Variants in PVT1 observed in about 807,000 individuals in gnomAD.
The protein encoded by PVT1 is Pvt1 oncogene.
At chr8:127,942,210 G>A (rs1379236280) in intron 3 of PVT1, among the ~76,000 whole-genome samples, 1 of 152,202 alleles carries the variant, frequency 6.6e-6, no homozygotes, top group Non-Finnish European at 1.5e-5. Flanking sequence ...CTGTGTGAAT[G>A]TGGAAGGGAT....
At chr8:127,939,776 C>T (rs1203625066) in intron 3 of PVT1, 2 of 152,236 alleles carry the variant, frequency 1.3e-5, no homozygotes, top group African/African-American at 4.8e-5. Flanking sequence ...TTTCCACATA[C>T]TTTCCATATC....
chr8:127,916,939 G>A (rs948879945), intron 3 of PVT1, among the ~76,000 whole-genome samples: 5 of 152,186 alleles, frequency 3.3e-5, no homozygotes, highest in African/African-American at 1.2e-4. Flanking sequence ...GGATTGTTAT[G>A]TATCCTTTCT....
chr8:128,023,945 T>C (rs529573461), intron 4 of PVT1, among the ~76,000 whole-genome samples: 1 of 152,304 alleles, frequency 6.6e-6, no homozygotes, highest in East Asian at 1.9e-4. Flanking sequence ...CGCCAGGCAC[T>C]TCTTATCTAT....
intron 4 of PVT1, among the ~76,000 whole-genome samples, chr8:128,039,546 A>G (rs2130084772): frequency 6.6e-6 from 1 of 152,234 alleles, no homozygotes; most frequent in East Asian, 1.9e-4. Context: ...GTCATGAGAG[A>G]TAGGCAGCCA....
chr8:127,948,183 C>A (rs563722859), intron 3 of PVT1: 1 of 355,386 alleles, frequency 2.8e-6, no homozygotes, highest in African/African-American at 2.1e-5. Context: ...CAGTATTGTG[C>A]GGTGGCTGTG....
At chr8:127,871,465 A>C (rs928955343) in intron 2 of PVT1, among the ~76,000 whole-genome samples, 1 of 152,144 alleles carries the variant, frequency 6.6e-6, no homozygotes, top group Non-Finnish European at 1.5e-5. Flanking sequence ...AGGTCTTTGC[A>C]AATTTTGCTG....
At chr8:128,000,247 G>A (rs1252741958) in intron 4 of PVT1, among the ~76,000 whole-genome samples, 2 of 152,192 alleles carry the variant, frequency 1.3e-5, no homozygotes, top group African/African-American at 2.4e-5. Context: ...AACAGTTGAC[G>A]TATCATGTAG....
At chr8:128,075,278 A>G (rs770296399) in intron 5 of PVT1, among the ~76,000 whole-genome samples, 1 of 152,098 alleles carries the variant, frequency 6.6e-6, no homozygotes, top group African/African-American at 2.4e-5. Flanking sequence ...CTTGTAATAT[A>G]TCTCATCATG....
At chr8:127,836,641 A>G (rs1814911804) in intron 2 of PVT1, among the ~76,000 whole-genome samples, 1 of 152,196 alleles carries the variant, frequency 6.6e-6, no homozygotes, top group Non-Finnish European at 1.5e-5. Context: ...TAATAATAAA[A>G]TAAGAACGTA....
chr8:127,986,279 G>A (rs1048106111), intron 3 of PVT1, among the ~76,000 whole-genome samples: 2 of 152,204 alleles, frequency 1.3e-5, no homozygotes, highest in Non-Finnish European at 2.9e-5. Context: ...GAACCTCCTG[G>A]GAGCCTTGGA....
chr8:127,931,743 C>T (rs1453434397), intron 3 of PVT1, among the ~76,000 whole-genome samples: 3 of 152,214 alleles, frequency 2.0e-5, no homozygotes, highest in Non-Finnish European at 2.9e-5. Flanking sequence ...TTTCACTCAG[C>T]GCGAGCCAAG....
intron 3 of PVT1, chr8:127,948,271 C>T: frequency 4.1e-6 from 1 of 245,694 alleles, no homozygotes; most frequent in South Asian, 5.7e-5. Context: ...CCCTGAGCCC[C>T]AGCTTGTGCC....
At chr8:127,887,433 G>A (rs1341188638) in intron 2 of PVT1, among the ~76,000 whole-genome samples, 1 of 152,174 alleles carries the variant, frequency 6.6e-6, no homozygotes, top group Non-Finnish European at 1.5e-5. Context: ...AGAGTTTATA[G>A]TTGCTATCTA....
At chr8:127,869,432 A>G (rs1158277510) in intron 2 of PVT1, among the ~76,000 whole-genome samples, 1 of 152,120 alleles carries the variant, frequency 6.6e-6, no homozygotes, top group African/African-American at 2.4e-5. Flanking sequence ...CGCTTGGCCT[A>G]TTTTTTATTA....
At chr8:127,944,938 T>C (rs1435392821) in intron 3 of PVT1, among the ~76,000 whole-genome samples, 2 of 152,140 alleles carry the variant, frequency 1.3e-5, no homozygotes, top group Non-Finnish European at 2.9e-5. Flanking sequence ...AATGGGAACC[T>C]CTCCTGGGCA....
At chr8:127,934,211 T>C (rs1246987675) in intron 3 of PVT1, among the ~76,000 whole-genome samples, 1 of 152,246 alleles carries the variant, frequency 6.6e-6, no homozygotes, top group African/African-American at 2.4e-5. Flanking sequence ...TAGAGGTGAC[T>C]CCATGCAGTT....
intron 3 of PVT1, among the ~76,000 whole-genome samples, chr8:127,982,108 G>GT (rs1382060461): frequency 6.6e-6 from 1 of 152,210 alleles, no homozygotes; most frequent in Non-Finnish European, 1.5e-5. Context: ...TTCTTGAAAT[G>GT]TAAGATGGGG....
intron 6 of PVT1, among the ~76,000 whole-genome samples, chr8:128,098,511 A>C (rs1022091696): frequency 6.6e-6 from 1 of 152,100 alleles, no homozygotes; most frequent in African/African-American, 2.4e-5. Flanking sequence ...GGCCCTGGGG[A>C]TGGAGATTAG....
intron 2 of PVT1, among the ~76,000 whole-genome samples, chr8:127,876,291 GT>G (rs1815405059): frequency 6.6e-6 from 1 of 151,058 alleles, no homozygotes; most frequent in South Asian, 2.1e-4. Flanking sequence ...TGTATGTGTG[GT>G]TTCACACTTG....
Sources: allele counts gnomAD v4.1 joint callset (sites outside exome capture counted in the v4.1 genomes callset), GRCh38; gene constraint gnomAD v4.1.1; transcripts MANE v1.5; gene names NCBI Gene and HGNC (gene_info 2026-07-23, HGNC 2026-07-21).